Variants in IRAK1BP1 observed in about 807,000 individuals in gnomAD.
IRAK1BP1 encodes interleukin 1 receptor associated kinase 1 binding protein 1.
In IRAK1BP1, 24 loss-of-function variants were observed where a neutral mutation model predicts 28.0. The observed-to-expected ratio is 0.86, with a 90% CI of 0.62 to 1.20. The LOEUF (loss-of-function observed/expected upper bound fraction) is 1.20. IRAK1BP1 is among the 50% of genes most tolerant of loss of function. The pLI, the probability that IRAK1BP1 is intolerant of heterozygous loss-of-function variation, is 0.00. For synonymous variants in IRAK1BP1, 131 were observed against 116.3 expected (o/e 1.13, Z -0.81); for missense variants, 336 against 316.7 (o/e 1.06, Z -0.46).
At chr6:78,909,798 A>G (rs1430977570) in intron 4 of IRAK1BP1, among the ~76,000 whole-genome samples, 1 of 152,222 alleles carries the variant, frequency 6.6e-6, no homozygotes, top group African/African-American at 2.4e-5. Context: ...TTATAGCAGG[A>G]GACATTTGGA....
chr6:78,879,910 C>A (rs547442135), intron 1 of IRAK1BP1, among the ~76,000 whole-genome samples: 1 of 152,282 alleles, frequency 6.6e-6, no homozygotes, highest in South Asian at 2.1e-4. Flanking sequence ...GACATACAAC[C>A]TTTAAGTAGA....
chr6:78,886,350 C>A lies in IRAK1BP1; in HGVS notation c.381+907C>A, dbSNP rs186830202. ...ACTTCCACAATATTCTGTTTGTTGC[C>A]CCAATGCTTCCTGTAATCATTTTGT... On this transcript the variant is annotated intron_variant, in intron 2 of 3. Transcript: ENST00000369940. Among the ~76,000 whole-genome samples the A allele has an allele frequency of 1.8e-3, 281 of 152,118 alleles. 1 individual carries two copies. Among genetic ancestry groups the A allele is most frequent in the Non-Finnish European group, 2.9e-3 (200 of 67,970 alleles).
intron 4 of IRAK1BP1, among the ~76,000 whole-genome samples, chr6:78,916,765 C>G (rs1054632478): frequency 1.3e-5 from 2 of 151,814 alleles, no homozygotes; most frequent in East Asian, 1.9e-4. Context: ...CTCCAGACAT[C>G]AGAGCACTCT....
At chr6:78,934,891 G>A (rs1773210546) in intron 4 of IRAK1BP1, among the ~76,000 whole-genome samples, 3 of 152,260 alleles carry the variant, frequency 2.0e-5, no homozygotes, top group Admixed American at 1.3e-4. Context: ...CAATTAGGTA[G>A]AAAGGTATTT....
chr6:78,874,064 A>G (rs1770897465), intron 1 of IRAK1BP1, among the ~76,000 whole-genome samples: 1 of 152,224 alleles, frequency 6.6e-6, no homozygotes, highest in Non-Finnish European at 1.5e-5. Context: ...CCTGCATGAT[A>G]CTAAAATGGC....
Position 78,875,905 on chromosome 6 carries a change from T to C in IRAK1BP1, c.315+8014T>C, listed in dbSNP as rs1047976683. ...TATATATTGAATAGATGAGATGTTTTCCCAGAAGATTTTAAAAGACTGTTT... is the reference window on the plus strand; with the variant it reads ...TATATATTGAATAGATGAGATGTTTCCCCAGAAGATTTTAAAAGACTGTTT... On this transcript the variant is annotated intron_variant, in intron 1 of 3. Transcript: ENST00000369940. Among the ~76,000 whole-genome samples the C allele has an allele frequency of 6.2e-4, 94 of 152,198 alleles. 2 individuals carry two copies. The highest frequency in any genetic ancestry group is 4.9e-4 in the Non-Finnish European group (33 of 68,040).
downstream of IRAK1BP1, among the ~76,000 whole-genome samples, chr6:78,907,805 T>C (rs6915030): frequency 0.92 from 139,787 of 151,618 alleles, 64,535 homozygotes; most frequent in African/African-American, 0.97. Context: ...CTGCAACCTC[T>C]GCCTCCCGGG....
intron 2 of IRAK1BP1, among the ~76,000 whole-genome samples, chr6:78,892,230 G>A (rs1182865974): frequency 2.6e-5 from 4 of 151,896 alleles, no homozygotes; most frequent in African/African-American, 9.7e-5. Context: ...TAGTTAGCCA[G>A]TTTCATTCAA....
rs1034368372 is a variant in IRAK1BP1, at chr6:78,889,737, T to G, written c.381+4294T>G. Among the ~76,000 whole-genome samples, 3 of 152,092 alleles carry G rather than the reference T, an allele frequency of 2.0e-5. No individual in the cohort carries two copies. The East Asian group carries it at 5.8e-4, about 29-fold the overall frequency. On this transcript the variant is annotated intron_variant, in intron 2 of 3. Transcript: ENST00000369940. ...ACAATGAGATACCATCTCATGTCAGTTAGAATGGCAATCTTTAAAAAGTCA... is the reference window on the plus strand; with the variant it reads ...ACAATGAGATACCATCTCATGTCAGGTAGAATGGCAATCTTTAAAAAGTCA...
chr6:78,922,009 CAGAG>C (rs971621436), intron 4 of IRAK1BP1, among the ~76,000 whole-genome samples: 2 of 152,202 alleles, frequency 1.3e-5, no homozygotes, highest in African/African-American at 4.8e-5. Flanking sequence ...TTCTAAAAAT[CAGAG>C]AGGCTATCCT....
At chr6:78,872,086 A>T (rs573655878) in intron 1 of IRAK1BP1, 1 of 700,238 alleles carries the variant, frequency 1.4e-6, no homozygotes, top group Admixed American at 2.0e-5. Flanking sequence ...AGGGAAATGA[A>T]TGGAAAGAGA....
intron 4 of IRAK1BP1, among the ~76,000 whole-genome samples, chr6:78,913,060 G>T (rs1772468958): frequency 6.6e-6 from 1 of 152,186 alleles, no homozygotes; most frequent in African/African-American, 2.4e-5. Flanking sequence ...TCATGGCCGG[G>T]TGCGGTAGCT....
chr6:78,969,686 A>C, the IRAK1BP1 span: 4 of 443,290 alleles, frequency 9.0e-6, no homozygotes, highest in Non-Finnish European at 1.6e-5. Flanking sequence ...AATACCTCTG[A>C]CATAGTATCT....
At chr6:78,872,197 C>A in intron 1 of IRAK1BP1, 1 of 679,436 alleles carries the variant, frequency 1.5e-6, no homozygotes, top group Non-Finnish European at 2.7e-6. Context: ...CTGACCACAG[C>A]GGTAATTTGC....
chr6:78,906,734 T>G (rs188939236), downstream of IRAK1BP1, among the ~76,000 whole-genome samples: 632 of 152,252 alleles, frequency 4.2e-3, 4 homozygotes, highest in Admixed American at 8.1e-3. Context: ...CCCAAATATT[T>G]ACAAAAGGAT....
chr6:78,908,923 CACCTTCTGTCTAATCTCAA>C (rs1772334531), intron 4 of IRAK1BP1, among the ~76,000 whole-genome samples: 1 of 152,122 alleles, frequency 6.6e-6, no homozygotes, highest in African/African-American at 2.4e-5. Flanking sequence ...ATTCTGGGCC[CACCTTCTGTCTAATCTCAA>C]ACCTCTTCTA....
At position 78,940,552 on chromosome 6, in the gene IRAK1BP1, T is replaced by TTTTG. The variant is rs1319173791; in HGVS notation, c.*68-4853_*68-4852insGTTT. On this transcript the variant is annotated intron_variant and NMD_transcript_variant, in intron 4 of 4. Transcript: ENST00000606868. The stretch of plus-strand genomic sequence containing the variant: ...AGTGAAGTGTCTCGTAAGTTTGTTT[T>TTTTG]TTTTTTTTTTTTTTTTTTTGCAAAT... The TTTTG allele has an allele frequency of 3.7e-4, 60 of 164,100 alleles. 2 individuals are homozygous for TTTTG. Among genetic ancestry groups the TTTTG allele is most frequent in the Non-Finnish European group, 1.7e-4 (14 of 83,120 alleles). 10.2% of individuals were successfully genotyped at this position (164,100 alleles called of 1,614,324 possible).
At chr6:78,869,980 A>T (rs964836967) in intron 1 of IRAK1BP1, among the ~76,000 whole-genome samples, 1 of 151,964 alleles carries the variant, frequency 6.6e-6, no homozygotes, top group Non-Finnish European at 1.5e-5. Flanking sequence ...ATGGTGGTGC[A>T]TGCCTGTAAT....
chr6:78,974,172 C>A, the IRAK1BP1 span, among the ~76,000 whole-genome samples: 1 of 152,082 alleles, frequency 6.6e-6, no homozygotes, highest in Non-Finnish European at 1.5e-5. Context: ...TTATAACAAA[C>A]TATCTCTCAG....
Sources: allele counts gnomAD v4.1 joint callset (sites outside exome capture counted in the v4.1 genomes callset), GRCh38; gene constraint gnomAD v4.1.1; transcripts MANE v1.5; gene names NCBI Gene and HGNC (gene_info 2026-07-23, HGNC 2026-07-21).